DDX10: variants seen among roughly 807,000 people sequenced by gnomAD.
The protein encoded by DDX10 is DEAD-box helicase 10.
In DDX10, 74 loss-of-function variants were observed where a neutral mutation model predicts 104.3. The ratio of observed to expected loss-of-function variants is 0.71; its 90% CI spans 0.59 to 0.86. The LOEUF (loss-of-function observed/expected upper bound fraction) is 0.86, where lower values mean the gene tolerates loss of function less well. DDX10 is among the 40% of genes least tolerant of loss of function. The probability of loss-of-function intolerance (pLI) is 0.00; values close to 1 mark genes in which losing one functional copy is unlikely to be tolerated. For missense variants in DDX10, 952 were observed against 1,040.0 expected (o/e 0.92, Z 1.16); for synonymous variants, 351 against 353.4 (o/e 0.99, Z 0.08).
Position 108,845,970 on chromosome 11 carries a change from C to T in DDX10, c.2247+4494C>T, listed in dbSNP as rs1304001445. 4.6e-5 allele frequency among the ~76,000 whole-genome samples: 7 copies of T among 152,094 alleles called. No individual in the cohort carries two copies. In the East Asian group the frequency reaches 7.7e-4, roughly 17 times the overall value. On this transcript the variant is annotated intron_variant, in intron 15 of 17. Coordinates refer to ENST00000322536, the MANE Select transcript of DDX10 (RefSeq NM_004398.4). ...ACTCATTTTGTCCTACTTGTTTTTC[C>T]CTCATACTATTACACCTGTCTTTGA...
At chr11:108,878,721 CCTTT>C (rs2134630037) in intron 16 of DDX10, among the ~76,000 whole-genome samples, 1 of 151,940 alleles carries the variant, frequency 6.6e-6, no homozygotes, top group Admixed American at 6.5e-5. Context: ...TACTTGCCTT[CCTTT>C]GTCATTTGGT....
chr11:108,936,486 C>A (rs751280744), intron 17 of DDX10, among the ~76,000 whole-genome samples: 14 of 151,836 alleles, frequency 9.2e-5, no homozygotes, highest in Non-Finnish European at 5.9e-5. Flanking sequence ...AGGCTCATTA[C>A]AGAAAAATGA....
At chr11:108,760,003 T>TA (rs200118606) in intron 13 of DDX10, among the ~76,000 whole-genome samples, 6,843 of 143,206 alleles carry the variant, frequency 0.048, 241 homozygotes, top group East Asian at 0.22. Context: ...TGATCCATGT[T>TA]AAAAAAAAAA....
intron 16 of DDX10, among the ~76,000 whole-genome samples, chr11:108,909,796 A>G (rs1440107930): frequency 6.6e-6 from 1 of 152,216 alleles, no homozygotes; most frequent in East Asian, 1.9e-4. Context: ...GATTGGTGTG[A>G]AGAGACACCA....
chr11:108,800,035 T>C (rs1468105868), intron 13 of DDX10, among the ~76,000 whole-genome samples: 5 of 152,076 alleles, frequency 3.3e-5, no homozygotes, highest in Admixed American at 1.3e-4. Context: ...ATTCCTGGGC[T>C]TAAGTGATTC....
At chr11:108,695,653 C>T (rs1188145300) in intron 9 of DDX10, among the ~76,000 whole-genome samples, 3 of 151,830 alleles carry the variant, frequency 2.0e-5, no homozygotes, top group South Asian at 2.1e-4. Flanking sequence ...CTTTTTGTTT[C>T]AGCTGAAGTG....
intron 9 of DDX10, among the ~76,000 whole-genome samples, chr11:108,694,835 C>T (rs1016517042): frequency 2.0e-5 from 3 of 152,040 alleles, no homozygotes; most frequent in Admixed American, 6.5e-5. Flanking sequence ...GAGCCGAGAT[C>T]GCACCACTGC....
intron 13 of DDX10, among the ~76,000 whole-genome samples, chr11:108,821,839 G>A (rs1862329317): frequency 6.6e-6 from 1 of 152,192 alleles, no homozygotes; most frequent in African/African-American, 2.4e-5. Context: ...AATCTAATTA[G>A]ATTGGCATAG....
intron 13 of DDX10, among the ~76,000 whole-genome samples, chr11:108,761,021 A>G (rs1385909633): frequency 6.6e-6 from 1 of 152,080 alleles, no homozygotes; most frequent in African/African-American, 2.4e-5. Flanking sequence ...TCTAATATAT[A>G]ATACTTTAAC....
At chr11:108,697,840 A>G (rs1178162540) in intron 9 of DDX10, among the ~76,000 whole-genome samples, 1 of 152,252 alleles carries the variant, frequency 6.6e-6, no homozygotes, top group Non-Finnish European at 1.5e-5. Flanking sequence ...TGGAAAATAG[A>G]CATCAGATAT....
chr11:108,929,442 C>T (rs1421179652), intron 17 of DDX10: 1 of 152,202 alleles, frequency 6.6e-6, no homozygotes, highest in Non-Finnish European at 1.5e-5. Context: ...TAAATATTTA[C>T]CCTAATAGCA....
intron 13 of DDX10, among the ~76,000 whole-genome samples, chr11:108,815,939 C>T (rs932417773): frequency 6.6e-6 from 1 of 152,148 alleles, no homozygotes; most frequent in Non-Finnish European, 1.5e-5. Context: ...TGAATCTATT[C>T]AGGTCAGGTT....
chr11:108,767,974 A>G (rs547231439), intron 13 of DDX10: 3 of 152,382 alleles, frequency 2.0e-5, no homozygotes, highest in East Asian at 1.9e-4. Flanking sequence ...GAAGACCTTT[A>G]TAATGATCCA....
At chr11:108,682,677 A>G (rs1210249669) in intron 6 of DDX10, among the ~76,000 whole-genome samples, 1 of 152,104 alleles carries the variant, frequency 6.6e-6, no homozygotes, top group Non-Finnish European at 1.5e-5. Context: ...CCCATAAGCC[A>G]CTGTTATCAC....
At chr11:108,830,045 G>C (rs1395206361) in intron 13 of DDX10, among the ~76,000 whole-genome samples, 2 of 152,144 alleles carry the variant, frequency 1.3e-5, no homozygotes, top group East Asian at 3.8e-4. Context: ...GGCCACACAG[G>C]ATCGTTTTTG....
At chr11:108,816,225 C>G (rs1030378535) in intron 13 of DDX10, among the ~76,000 whole-genome samples, 3 of 152,178 alleles carry the variant, frequency 2.0e-5, no homozygotes, top group Non-Finnish European at 4.4e-5. Context: ...ATTCTAATCT[C>G]CATCTACGTA....
intron 16 of DDX10, among the ~76,000 whole-genome samples, chr11:108,902,963 G>T (rs1345180081): frequency 1.3e-5 from 2 of 151,862 alleles, no homozygotes; most frequent in African/African-American, 4.8e-5. Flanking sequence ...ATTAAAGATT[G>T]CTTTGGAAAA....
intron 13 of DDX10, among the ~76,000 whole-genome samples, chr11:108,747,307 C>G (rs1284710697): frequency 6.6e-6 from 1 of 152,092 alleles, no homozygotes; most frequent in Non-Finnish European, 1.5e-5. Flanking sequence ...CTACAACATG[C>G]TTAACTGATC....
chr11:108,747,132 A>G (rs189774983), intron 13 of DDX10, among the ~76,000 whole-genome samples: 9 of 152,134 alleles, frequency 5.9e-5, no homozygotes, highest in African/African-American at 1.9e-4. Context: ...CTGAATTTGA[A>G]TGTGCATTGT....
Sources: allele counts gnomAD v4.1 joint callset (sites outside exome capture counted in the v4.1 genomes callset), GRCh38; gene constraint gnomAD v4.1.1; transcripts MANE v1.5; gene names NCBI Gene and HGNC (gene_info 2026-07-23, HGNC 2026-07-21).